The following BMP2K variants were observed in gnomAD, a reference collection of about 807,000 sequenced individuals.
BMP2K encodes BMP-2-inducible protein kinase.
A neutral mutation model predicts 116.0 loss-of-function variants in BMP2K; 74 were observed. The ratio of observed to expected loss-of-function variants is 0.64; its 90% CI spans 0.53 to 0.77. BMP2K has a LOEUF of 0.77. Ranked by LOEUF, BMP2K falls within the 30% of genes least tolerant of loss-of-function variation. The pLI is 0.00. For synonymous variants in BMP2K, 486 were observed against 502.5 expected (o/e 0.97, Z 0.44); for missense variants, 1,365 against 1,403.6 (o/e 0.97, Z 0.44).
intron 3 of BMP2K, among the ~76,000 whole-genome samples, chr4:78,839,375 C>T (rs1413835457): frequency 1.3e-5 from 2 of 152,170 alleles, no homozygotes; most frequent in African/African-American, 2.4e-5. Context: ...GGGACTAGGA[C>T]ACTGACGCTT....
intron 15 of BMP2K, among the ~76,000 whole-genome samples, chr4:78,891,274 T>C (rs1298648190): frequency 2.0e-5 from 3 of 152,124 alleles, no homozygotes; most frequent in Non-Finnish European, 4.4e-5. Flanking sequence ...TCTTCCTCTT[T>C]TTCTTATTCC....
chr4:78,870,370 A>G (rs1732269340), intron 10 of BMP2K, among the ~76,000 whole-genome samples: 1 of 152,216 alleles, frequency 6.6e-6, no homozygotes, highest in African/African-American at 2.4e-5. Flanking sequence ...ATGAAGGAAT[A>G]AGGAAGAGAG....
At chr4:78,897,929 A>G (rs1733788678) in intron 15 of BMP2K, among the ~76,000 whole-genome samples, 1 of 152,256 alleles carries the variant, frequency 6.6e-6, no homozygotes, top group African/African-American at 2.4e-5. Context: ...TAAGATGCAA[A>G]TGCTACAATA....
At chr4:78,809,737 T>A (rs1184625161) in intron 1 of BMP2K, among the ~76,000 whole-genome samples, 1 of 152,028 alleles carries the variant, frequency 6.6e-6, no homozygotes, top group Non-Finnish European at 1.5e-5. Context: ...ATTCTCTACT[T>A]GGTGAGCCAT....
At chr4:78,832,057 CAATT>C (rs1292354486) in intron 2 of BMP2K, among the ~76,000 whole-genome samples, 9 of 152,140 alleles carry the variant, frequency 5.9e-5, no homozygotes, top group Non-Finnish European at 1.2e-4. Flanking sequence ...GTCTGTAACA[CAATT>C]TATTTATCAT....
chr4:78,838,999 A>G (rs1313977506), intron 3 of BMP2K, among the ~76,000 whole-genome samples: 1 of 152,208 alleles, frequency 6.6e-6, no homozygotes, highest in African/African-American at 2.4e-5. Flanking sequence ...AAAATTTATT[A>G]ATTTTTAATG....
chr4:78,873,013 TAGCAACATCTAAC>T lies in BMP2K; in HGVS notation c.1793+220_1793+232del, dbSNP rs748577564. Among the ~76,000 whole-genome samples the T allele has an allele frequency of 4.1e-4, 63 of 152,182 alleles. 1 individual carries two copies. Among genetic ancestry groups the T allele is most frequent in the Admixed American group, 3.2e-3 (49 of 15,270 alleles). On this transcript the variant is annotated intron_variant, in intron 13 of 15. Coordinates refer to ENST00000502613, the MANE Select transcript of BMP2K (RefSeq NM_198892.2). Reference sequence around the variant, plus strand: ...CTAACTGCTATTTGTAGGTAAGGTGTAGCAACATCTAACAGCATTTAGGGCTAAGGATATTATT... The same window carrying T: ...CTAACTGCTATTTGTAGGTAAGGTGTAGCATTTAGGGCTAAGGATATTATT...
intron 3 of BMP2K, among the ~76,000 whole-genome samples, chr4:78,837,246 C>G (rs1730533285): frequency 6.6e-6 from 1 of 151,784 alleles, no homozygotes; most frequent in Non-Finnish European, 1.5e-5. Flanking sequence ...CTAAAGGGTG[C>G]ATAGTGCCAT....
chr4:78,828,712 C>G (rs1159662864), intron 2 of BMP2K, among the ~76,000 whole-genome samples: 1 of 152,196 alleles, frequency 6.6e-6, no homozygotes, highest in Non-Finnish European at 1.5e-5. Flanking sequence ...CAACACTACA[C>G]TGTAGTCTAT....
chr4:78,876,272 A>G lies in BMP2K; in HGVS notation c.1794-2462A>G, dbSNP rs1442872262. Among the ~76,000 whole-genome samples the G allele has an allele frequency of 5.3e-5, 8 of 151,328 alleles. No homozygotes were observed. The East Asian group carries it at 1.5e-3, about 29-fold the overall frequency. ...TGTGATCTGTTTTTTTTTTTCCTTC[A>G]ATTTTCTGGGTAAAAACATCTGATC... On this transcript the variant is annotated intron_variant, in intron 13 of 15. Coordinates refer to ENST00000502613, the MANE Select transcript of BMP2K (RefSeq NM_198892.2).
At chr4:78,900,206 C>A (rs1397541581) in intron 15 of BMP2K, among the ~76,000 whole-genome samples, 1 of 152,114 alleles carries the variant, frequency 6.6e-6, no homozygotes, top group Non-Finnish European at 1.5e-5. Flanking sequence ...ATCTTATTGA[C>A]ATTTTGTTTT....
intron 1 of BMP2K, among the ~76,000 whole-genome samples, chr4:78,790,760 C>T (rs1024081914): frequency 2.6e-5 from 4 of 152,078 alleles, no homozygotes; most frequent in Admixed American, 6.6e-5. Flanking sequence ...CATGGTGGCC[C>T]ACACCTCAGG....
chr4:78,875,483 A>T (rs1010414164), intron 13 of BMP2K, among the ~76,000 whole-genome samples: 1 of 152,232 alleles, frequency 6.6e-6, no homozygotes, highest in Non-Finnish European at 1.5e-5. Context: ...ATAATAGTTA[A>T]AATAAACATC....
chr4:78,797,733 G>GT (rs201708064), intron 1 of BMP2K, among the ~76,000 whole-genome samples: 3,659 of 151,970 alleles, frequency 0.024, 68 homozygotes, highest in Middle Eastern at 0.052. Context: ...TATGTTTTAT[G>GT]TTTTTTTTGT....
chr4:78,825,242 C>T (rs1416272614), intron 1 of BMP2K, among the ~76,000 whole-genome samples: 1 of 151,970 alleles, frequency 6.6e-6, no homozygotes, highest in Non-Finnish European at 1.5e-5. Flanking sequence ...ACAGAATTTC[C>T]ATATAAACCA....
intron 6 of BMP2K, among the ~76,000 whole-genome samples, chr4:78,849,900 A>G (rs1326249500): frequency 6.6e-6 from 1 of 151,704 alleles, no homozygotes; most frequent in African/African-American, 2.4e-5. Flanking sequence ...TAAGCTCCAT[A>G]ATAATTATAA....
Position 78,911,472 on chromosome 4 carries a change from A to G in BMP2K, c.2925A>G (p.Leu975=), listed in dbSNP as rs773165631. 7.4e-6 allele frequency: 12 copies of G among 1,613,954 alleles called. No individual in the cohort carries two copies. The highest frequency in any genetic ancestry group is 9.3e-6 in the Non-Finnish European group (11 of 1,179,912). ...AGCAAAAAGTCAAACAGCGCAGCTT[A>G]CAGAAACTGTCCTCTCGCCAAAGGC... The part of the protein sequence containing the change: ...SQQQKVKQRS[L]QKLSSRQRRT... Residue 975 remains leucine (L), a synonymous_variant, in exon 16 of 16, where the codon TTA becomes TTG. Coordinates refer to ENST00000502613, the MANE Select transcript of BMP2K (RefSeq NM_198892.2).
chr4:78,913,369 TGA>T lies in BMP2K; in HGVS notation c.*1338_*1339del, dbSNP rs1734773750. ...ACACCACAAATCCTAATTAGAAACTTGAGGTTTTATAGAAATCATTTAATGAT... is the reference window on the plus strand; with the variant it reads ...ACACCACAAATCCTAATTAGAAACTTGGTTTTATAGAAATCATTTAATGAT... On this transcript the variant is annotated 3_prime_UTR_variant, in exon 16 of 16. Coordinates refer to ENST00000502613, the MANE Select transcript of BMP2K (RefSeq NM_198892.2). The T allele has an allele frequency of 6.6e-6, 1 of 152,260 alleles. No homozygotes were observed. Among genetic ancestry groups the T allele is most frequent in the East Asian group, 1.9e-4 (1 of 5,194 alleles). 9.4% of individuals were successfully genotyped at this position (152,260 alleles called of 1,614,324 possible). A position where few individuals can be genotyped will look rare whatever the true frequency, so the allele number is the denominator to read the frequency against.
Position 78,907,807 on chromosome 4 carries a change from T to G in BMP2K, c.2063-2803T>G, listed in dbSNP as rs144734282. On this transcript the variant is annotated intron_variant, in intron 15 of 15. Transcript: ENST00000502613. ...GGGAAATAGCCTCTGCAGAATACACTTTGGGCAACATTGGAATGTTACTTG... is the reference window on the plus strand; with the variant it reads ...GGGAAATAGCCTCTGCAGAATACACGTTGGGCAACATTGGAATGTTACTTG... 4.7e-4 allele frequency among the ~76,000 whole-genome samples: 72 copies of G among 152,198 alleles called. 1 individual carries two copies. The East Asian group carries it at 8.5e-3, about 18-fold the overall frequency.
Sources: gnomAD v4.1 joint callset for allele counts (sites outside exome capture counted in the v4.1 genomes callset) on GRCh38, gnomAD v4.1.1 for gene constraint, MANE v1.5 for transcripts, NCBI Gene and HGNC (gene_info 2026-07-23, HGNC 2026-07-21) for gene names.